SORCS3: variants seen among roughly 807,000 people sequenced by gnomAD.
The protein encoded by SORCS3 is sortilin related VPS10 domain containing receptor 3, also known as VPS10 domain-containing receptor SorCS3.
SORCS3 carries 57 observed loss-of-function variants against 146.3 expected under a neutral mutation model. That is an observed-to-expected ratio of 0.39 (90% CI 0.31 to 0.49). The LOEUF is 0.49. Ranked by LOEUF, SORCS3 falls within the 20% of genes least tolerant of loss-of-function variation. The probability of loss-of-function intolerance (pLI) is 0.92; values close to 1 mark genes in which losing one functional copy is unlikely to be tolerated. For synonymous variants in SORCS3, 653 were observed against 618.5 expected (o/e 1.06, Z -0.83); for missense variants, 1,341 against 1,575.5 (o/e 0.85, Z 2.52).
intron 1 of SORCS3, among the ~76,000 whole-genome samples, chr10:104,757,319 C>G (rs901255626): frequency 2.0e-5 from 3 of 152,146 alleles, no homozygotes; most frequent in African/African-American, 7.2e-5. Context: ...CAGCAATTAC[C>G]CAGTTATTAA....
chr10:105,263,260 C>A, intron 26 of SORCS3, 50 bp from the exon 27 acceptor site: 1 of 1,575,036 alleles, frequency 6.3e-7, no homozygotes, highest in Non-Finnish European at 8.7e-7. Context: ...AAGATCCCTG[C>A]CCTTGTGGAA....
intron 3 of SORCS3, among the ~76,000 whole-genome samples, chr10:104,935,304 A>C (rs1043186843): frequency 6.6e-6 from 1 of 152,228 alleles, no homozygotes; most frequent in Non-Finnish European, 1.5e-5. Flanking sequence ...AGTTCTAGAA[A>C]GCATGTATCA....
At chr10:104,884,429 T>A (rs2018661581) in intron 2 of SORCS3, among the ~76,000 whole-genome samples, 1 of 152,184 alleles carries the variant, frequency 6.6e-6, no homozygotes. Context: ...TGTCAGAGAC[T>A]TTTAGCGTTA....
intron 5 of SORCS3, among the ~76,000 whole-genome samples, chr10:105,057,825 C>T (rs1435750422): frequency 1.3e-5 from 2 of 152,158 alleles, no homozygotes; most frequent in Admixed American, 6.5e-5. Flanking sequence ...TATTTCTGAA[C>T]GTAGCGTATT....
At chr10:105,012,566 A>G (rs1364200543) in intron 4 of SORCS3, among the ~76,000 whole-genome samples, 2 of 152,240 alleles carry the variant, frequency 1.3e-5, no homozygotes, top group African/African-American at 2.4e-5. Flanking sequence ...CATTCCCCCA[A>G]TAACATGCCT....
intron 2 of SORCS3, among the ~76,000 whole-genome samples, chr10:104,860,707 A>G (rs961290342): frequency 2.0e-5 from 3 of 152,218 alleles, no homozygotes; most frequent in Non-Finnish European, 2.9e-5. Context: ...TTGCTATAAT[A>G]AACCAGGTAA....
chr10:104,916,259 T>C (rs1300225280), intron 3 of SORCS3, among the ~76,000 whole-genome samples: 2 of 152,218 alleles, frequency 1.3e-5, no homozygotes, highest in Non-Finnish European at 2.9e-5. Context: ...AGTAACTTTC[T>C]ACCCTGAATC....
intron 1 of SORCS3, among the ~76,000 whole-genome samples, chr10:104,722,493 A>G (rs1490069438): frequency 6.6e-6 from 1 of 152,214 alleles, no homozygotes; most frequent in Non-Finnish European, 1.5e-5. Flanking sequence ...CTGGCCTCAT[A>G]AAATGAGTTA....
chr10:104,783,545 T>G (rs1193711235), intron 1 of SORCS3, among the ~76,000 whole-genome samples: 1 of 152,016 alleles, frequency 6.6e-6, no homozygotes, highest in Non-Finnish European at 1.5e-5. Context: ...CTGGCCAACA[T>G]GATGAAGCCC....
intron 2 of SORCS3, among the ~76,000 whole-genome samples, chr10:104,858,797 G>A (rs1479922416): frequency 4.0e-5 from 6 of 151,442 alleles, no homozygotes; most frequent in South Asian, 2.1e-4. Flanking sequence ...AATTTTTTGT[G>A]TTTTTAGTAG....
In SORCS3 at chr10:104,641,353, C is replaced by T; in HGVS notation, c.26C>T (p.Pro9Leu). 7.2e-7 allele frequency: 1 copy of T among 1,381,076 alleles called. No individual in the cohort carries two copies. Among genetic ancestry groups the T allele is most frequent in the South Asian group, 1.6e-5 (1 of 61,022 alleles). 85.6% of individuals were successfully genotyped at this position (1,381,076 alleles called of 1,614,324 possible). A position where few individuals can be genotyped will look rare whatever the true frequency, so the allele number is the denominator to read the frequency against. Residue 9 changes from proline to leucine, a missense_variant, in exon 1 of 27, where the codon CCC becomes CTC. Transcript: ENST00000369701. The surrounding 1 kb of genome is among the most constrained non-coding windows in gnomAD (Gnocchi z 6.4). ...ATGGAGGCGGCGCGCACGGAGCGCC[C>T]CGCAGGCAGGCCGGGGGCGCCGCTT... MEAARTERPAGRPGAPLVR... is the reference protein window; with the variant it reads MEAARTERLAGRPGAPLVR...
intron 1 of SORCS3, among the ~76,000 whole-genome samples, chr10:104,703,711 G>T (rs374433891): frequency 8.1e-5 from 11 of 135,400 alleles, no homozygotes; most frequent in South Asian, 4.9e-4. Context: ...CATGTATCCT[G>T]TTTTTTTTTT....
chr10:104,800,693 T>C (rs2133509074), intron 1 of SORCS3, among the ~76,000 whole-genome samples: 1 of 152,298 alleles, frequency 6.6e-6, no homozygotes, highest in Middle Eastern at 3.4e-3. Context: ...AAATTCAGCT[T>C]CCATAGTTTA....
At chr10:104,642,318 T>G (rs2015433821) in intron 1 of SORCS3, among the ~76,000 whole-genome samples, 1 of 152,082 alleles carries the variant, frequency 6.6e-6, no homozygotes, top group Non-Finnish European at 1.5e-5. Flanking sequence ...GAAAAAGGGC[T>G]GACTTGGGGC....
intron 7 of SORCS3, among the ~76,000 whole-genome samples, chr10:105,120,501 C>T (rs2055924459): frequency 6.6e-6 from 1 of 152,114 alleles, no homozygotes; most frequent in African/African-American, 2.4e-5. Flanking sequence ...CTGGGAGGCT[C>T]TAGCAAGGGG....
intron 6 of SORCS3, among the ~76,000 whole-genome samples, chr10:105,100,002 T>C (rs893822294): frequency 1.3e-5 from 2 of 152,116 alleles, no homozygotes; most frequent in African/African-American, 4.8e-5. Context: ...AATCAGTCAG[T>C]GTAAGGCAGC....
intron 2 of SORCS3, among the ~76,000 whole-genome samples, chr10:104,901,708 C>T (rs1468103524): frequency 6.6e-6 from 1 of 151,956 alleles, no homozygotes; most frequent in Non-Finnish European, 1.5e-5. Context: ...TGATGTTTTT[C>T]AGCCCTTGGC....
At chr10:104,944,842 T>C (rs1343258906) in intron 3 of SORCS3, among the ~76,000 whole-genome samples, 1 of 152,138 alleles carries the variant, frequency 6.6e-6, no homozygotes, top group African/African-American at 2.4e-5. Flanking sequence ...ATTGTACTCT[T>C]AGGTATAATA....
At chr10:105,005,014 C>A (rs889116303) in intron 4 of SORCS3, among the ~76,000 whole-genome samples, 1 of 152,148 alleles carries the variant, frequency 6.6e-6, no homozygotes, top group Non-Finnish European at 1.5e-5. Context: ...TCTTTGTAAT[C>A]GTGATATAGT....
Sources: gnomAD v4.1 joint callset for allele counts (sites outside exome capture counted in the v4.1 genomes callset) on GRCh38, gnomAD v4.1.1 for gene constraint, Gnocchi (gnomAD v3.1) non-coding constraint, MANE v1.5 for transcripts, NCBI Gene and HGNC (gene_info 2026-07-23, HGNC 2026-07-21) for gene names.